DCX: variants seen among roughly 807,000 people sequenced by gnomAD.
DCX encodes neuronal migration protein doublecortin.
DCX carries 4 observed loss-of-function variants against 20.9 expected under a neutral mutation model. The observed-to-expected ratio is 0.19, with a 90% CI of 0.09 to 0.44. The LOEUF is 0.44. Ranked by LOEUF, DCX falls within the 20% of genes least tolerant of loss-of-function variation. The probability of loss-of-function intolerance (pLI) is 0.99; values close to 1 mark genes in which losing one functional copy is unlikely to be tolerated. For synonymous variants in DCX, 103 were observed against 111.4 expected, an observed-to-expected ratio of 0.92 and a Z score of 0.47; for missense variants, 133 against 296.9, an observed-to-expected ratio of 0.45 and a Z score of 4.06.
At chrX:111,410,912 C>G (rs762964834) in intron 1 of DCX, 1 of 1,209,544 alleles carries the variant, frequency 8.3e-7, no homozygotes, top group African/African-American at 1.8e-5. Context: ...AGGTTAGCAT[C>G]TCCAGCTTAG....
intron 3 of DCX, among the ~76,000 whole-genome samples, chrX:111,347,115 T>G (rs1922889610): frequency 9.0e-6 from 1 of 111,713 alleles, no homozygotes; most frequent in Non-Finnish European, 1.9e-5. Context: ...TAAAAATTAT[T>G]ATTAGTAGTA....
At chrX:111,402,813 G>A (rs1927914923) in intron 2 of DCX, among the ~76,000 whole-genome samples, 1 of 65,604 alleles carries the variant, frequency 1.5e-5, no homozygotes, top group Non-Finnish European at 3.6e-5. Flanking sequence ...GTGTGTGTGT[G>A]TGTGTGTGCG....
chrX:111,374,436 A>T (rs1480305000), intron 3 of DCX, among the ~76,000 whole-genome samples: 5 of 111,901 alleles, frequency 4.5e-5, no homozygotes. Context: ...ACTTAAAAAC[A>T]CTGTGGCATT....
chrX:111,302,650 C>T (rs890636958), intron 6 of DCX, among the ~76,000 whole-genome samples: 1 of 112,103 alleles, frequency 8.9e-6, no homozygotes. Flanking sequence ...TTTAGCCATT[C>T]TTGTGGATTT....
chrX:111,370,372 A>G (rs1375996475), intron 3 of DCX, among the ~76,000 whole-genome samples: 1 of 111,696 alleles, frequency 9.0e-6, no homozygotes, highest in Non-Finnish European at 1.9e-5. Context: ...GCATCACCTA[A>G]AGGCTTGTCA....
chrX:111,396,918 G>A (rs772152731), intron 3 of DCX, among the ~76,000 whole-genome samples: 1 of 111,388 alleles, frequency 9.0e-6, no homozygotes, highest in Non-Finnish European at 1.9e-5. Context: ...CTTCCTACTA[G>A]TGGTGGTTGG....
At chrX:111,307,171 AT>A (rs895341998) in intron 6 of DCX, among the ~76,000 whole-genome samples, 11 of 109,783 alleles carry the variant, frequency 1.0e-4, no homozygotes, top group African/African-American at 2.6e-4. Context: ...ATAAGCTGTT[AT>A]TTTTTTAAGT....
In DCX at chrX:111,378,960, T is replaced by C. The variant is rs902359833; in HGVS notation, c.705+22030A>G. ...TCTGCCTTCTGCCATGTGAGGACAG[T>C]CTTCCTCCCTTCTGGGAAATTCATC... On this transcript the variant is annotated intron_variant, in intron 3 of 6. Transcript: ENST00000636035. 3.6e-5 allele frequency among the ~76,000 whole-genome samples: 4 copies of C among 111,787 alleles called. No individual in the cohort carries two copies. The Admixed American group carries it at 3.8e-4, about 11-fold the overall frequency.
chrX:111,304,074 T>C (rs760702014), intron 6 of DCX, among the ~76,000 whole-genome samples: 1 of 112,038 alleles, frequency 8.9e-6, no homozygotes, highest in South Asian at 3.7e-4. Context: ...GATAAACAGG[T>C]AGGATGTACA....
At chrX:111,345,761 T>C (rs1401342617) in intron 3 of DCX, among the ~76,000 whole-genome samples, 1 of 112,011 alleles carries the variant, frequency 8.9e-6, no homozygotes. Context: ...ATATACCCAG[T>C]AATGGGATTG....
chrX:111,368,421 A>G (rs1924800111), intron 3 of DCX, among the ~76,000 whole-genome samples: 1 of 111,811 alleles, frequency 8.9e-6, no homozygotes, highest in Non-Finnish European at 1.9e-5. Flanking sequence ...TCTAATTTAA[A>G]GAGCTTCCAG....
intron 5 of DCX, among the ~76,000 whole-genome samples, chrX:111,323,603 G>GTTTTTTTTTTTTTT (rs780794851): frequency 1.5e-4 from 8 of 52,167 alleles, no homozygotes; most frequent in Non-Finnish European, 1.8e-4. Flanking sequence ...TATTATTTCT[G>GTTTTTTTTTTTTTT]TTTTTTTTTT....
chrX:111,401,851 T>C lies in DCX; in HGVS notation c.365-521A>G, dbSNP rs1335709677. On this transcript the variant is annotated intron_variant, in intron 2 of 6. Coordinates refer to ENST00000636035, the MANE Select transcript of DCX (RefSeq NM_001195553.2). ...ACCAAGTAACCTTGTATATCAGGCA[T>C]ACATACATACTTGATAAGAAACCAG... Among the ~76,000 whole-genome samples, 3 of 112,463 alleles carry C rather than the reference T, an allele frequency of 2.7e-5. No homozygotes were observed. The Admixed American group carries it at 2.8e-4, about 11-fold the overall frequency.
intron 3 of DCX, among the ~76,000 whole-genome samples, chrX:111,349,663 C>T (rs1375317661): frequency 8.9e-6 from 1 of 111,784 alleles, no homozygotes; most frequent in Admixed American, 9.5e-5. Context: ...CATGGCTGGA[C>T]AGAATACTAA....
intron 3 of DCX, among the ~76,000 whole-genome samples, chrX:111,397,828 T>A (rs1381092373): frequency 9.1e-6 from 1 of 110,290 alleles, no homozygotes; most frequent in Non-Finnish European, 1.9e-5. Flanking sequence ...TATATATACA[T>A]ACATATACAT....
chrX:111,301,563 TAAC>T lies in DCX; in HGVS notation c.*121_*123del, dbSNP rs755012417. The T allele has an allele frequency of 6.0e-4, 437 of 725,957 alleles. No individual in the cohort carries two copies. In the African/African-American group the frequency reaches 7.3e-3, roughly 12 times the overall value. The allele number at this position is 725,957 out of a possible 1,213,427, so 59.8% of individuals were successfully genotyped here. A position where few individuals can be genotyped will look rare whatever the true frequency, so the allele number is the denominator to read the frequency against. ...ACATATTACAATGTGTTTTTCAAAA[TAAC>T]AACAACAACAAAATAAAAACTTGAA... On this transcript the variant is annotated 3_prime_UTR_variant, in exon 7 of 7. Coordinates refer to ENST00000636035, the MANE Select transcript of DCX (RefSeq NM_001195553.2).
chrX:111,332,526 G>A (rs190490728), intron 4 of DCX, among the ~76,000 whole-genome samples: 1 of 111,568 alleles, frequency 9.0e-6, no homozygotes, highest in Non-Finnish European at 1.9e-5. Context: ...ATGGGAAGAC[G>A]ATTAGATCCT....
Position 111,297,155 on chromosome X carries a change from T to G in DCX, c.*4532A>C, listed in dbSNP as rs989536444. On this transcript the variant is annotated 3_prime_UTR_variant, in exon 7 of 7. Coordinates refer to ENST00000636035, the MANE Select transcript of DCX (RefSeq NM_001195553.2). Reference sequence around the variant, plus strand: ...TGGCCCTATGTGGCCAAAGACAGGTTCCAATCATCTTTTTAAAAAATCAAT... The same window carrying G: ...TGGCCCTATGTGGCCAAAGACAGGTGCCAATCATCTTTTTAAAAAATCAAT... 2.2e-4 allele frequency: 25 copies of G among 111,970 alleles called. No homozygotes were observed. Among genetic ancestry groups the G allele is most frequent in the Non-Finnish European group, 1.9e-4 (10 of 53,229 alleles). The allele number at this position is 111,970 out of a possible 1,213,427, so 9.2% of individuals were successfully genotyped here.
rs1439507638 is a variant in DCX at position 111,298,296 on chromosome X, G to A, written c.*3391C>T. The A allele has an allele frequency of 2.7e-5, 3 of 111,671 alleles. No homozygotes were observed. Among genetic ancestry groups the A allele is most frequent in the African/African-American group, 9.8e-5 (3 of 30,601 alleles). The allele number at this position is 111,671 out of a possible 1,213,427, so 9.2% of individuals were successfully genotyped here. On this transcript the variant is annotated 3_prime_UTR_variant, in exon 7 of 7. Transcript: ENST00000636035. ...GAGCAGTGATCTCCTGAATCAGATG[G>A]ACAAGGCCAGGGACCCCATTGCTCC...
Sources: allele counts gnomAD v4.1 joint callset (sites outside exome capture counted in the v4.1 genomes callset), GRCh38; gene constraint gnomAD v4.1.1; transcripts MANE v1.5; gene names NCBI Gene and HGNC (gene_info 2026-07-23, HGNC 2026-07-21).